C3orf49: variants seen among roughly 807,000 people sequenced by gnomAD.
C3orf49 encodes the protein putative uncharacterized protein C3orf49.
Under a neutral mutation model 13.3 loss-of-function variants are expected in C3orf49, and 27 were observed. The observed-to-expected ratio is 2.02, with a 90% CI of 1.49 to 2.79. The LOEUF (loss-of-function observed/expected upper bound fraction) is 2.79, where lower values mean the gene tolerates loss of function less well. C3orf49 is among the 30% of genes most tolerant of loss of function. C3orf49 has a pLI of 0.00. For synonymous variants in C3orf49, 87 were observed against 47.6 expected, an observed-to-expected ratio of 1.83 and a Z score of -3.40; for missense variants, 242 against 134.2, an observed-to-expected ratio of 1.80 and a Z score of -3.97.
chr3:63,780,831 G>A, the C3orf49 span, among the ~76,000 whole-genome samples: 8 of 152,288 alleles, frequency 5.3e-5, no homozygotes, highest in South Asian at 1.7e-3. Flanking sequence ...CTTGTTGATG[G>A]AGTTGTTTGT....
chr3:63,822,425 T>C (rs1394329357), intron 1 of C3orf49, among the ~76,000 whole-genome samples: 2 of 152,242 alleles, frequency 1.3e-5, no homozygotes, highest in African/African-American at 2.4e-5. Context: ...TAGGTAATAA[T>C]TGTATCACCG....
the C3orf49 span, among the ~76,000 whole-genome samples, chr3:63,810,329 A>C: frequency 6.6e-6 from 1 of 152,104 alleles, no homozygotes; most frequent in South Asian, 2.1e-4. Flanking sequence ...TCCCCCTCCC[A>C]CTTAAAATAC....
chr3:63,834,256 GATGAACAC>G (rs1701581664), intron 5 of C3orf49: 2 of 1,522,380 alleles, frequency 1.3e-6, no homozygotes, highest in Admixed American at 1.7e-5. Context: ...TTTTATATTC[GATGAACAC>G]ATGAAAACAT....
At chr3:63,820,059 GC>G (rs1277178149) in intron 1 of C3orf49, among the ~76,000 whole-genome samples, 1 of 152,152 alleles carries the variant, frequency 6.6e-6, no homozygotes, top group Admixed American at 6.5e-5. Context: ...CGTTAAAACT[GC>G]CTTAGACTTG....
chr3:63,838,373 T>A, intron 5 of C3orf49: 1 of 1,490,768 alleles, frequency 6.7e-7, no homozygotes, highest in Non-Finnish European at 9.3e-7. Flanking sequence ...ATTCTTTACC[T>A]ATTTCCTTGT....
the C3orf49 span, among the ~76,000 whole-genome samples, chr3:63,790,927 G>A: frequency 6.6e-6 from 1 of 152,206 alleles, no homozygotes; most frequent in African/African-American, 2.4e-5. Context: ...CACAGATGCA[G>A]CTTTAGCTTG....
chr3:63,810,182 T>C, the C3orf49 span, among the ~76,000 whole-genome samples: 1 of 151,126 alleles, frequency 6.6e-6, no homozygotes, highest in Non-Finnish European at 1.5e-5. Flanking sequence ...CGCAATTACG[T>C]TTGTGCCAAC....
intron 1 of C3orf49, among the ~76,000 whole-genome samples, chr3:63,820,793 C>T (rs1223383931): frequency 5.9e-5 from 9 of 152,054 alleles, no homozygotes; most frequent in Non-Finnish European, 1.3e-4. Context: ...TGCCATCTGC[C>T]AGAAAATCAT....
At chr3:63,816,024 T>A (rs187848229), upstream of C3orf49, among the ~76,000 whole-genome samples, 100 of 151,946 alleles carry the variant, frequency 6.6e-4, no homozygotes, top group Non-Finnish European at 1.3e-3. Flanking sequence ...GACCTCGTGA[T>A]CTGCCTGCCT....
chr3:63,800,738 G>A, the C3orf49 span, among the ~76,000 whole-genome samples: 1 of 151,956 alleles, frequency 6.6e-6, no homozygotes, highest in Admixed American at 6.6e-5. Flanking sequence ...CCTTAATTTT[G>A]CACTCTTCCC....
the C3orf49 span, among the ~76,000 whole-genome samples, chr3:63,797,763 G>A: frequency 6.6e-6 from 1 of 152,128 alleles, no homozygotes; most frequent in Non-Finnish European, 1.5e-5. Context: ...TCTTTGTTGT[G>A]AAGATGAGAA....
the C3orf49 span, among the ~76,000 whole-genome samples, chr3:63,801,805 C>G: frequency 6.8e-6 from 1 of 147,216 alleles, no homozygotes; most frequent in Admixed American, 6.7e-5. Flanking sequence ...AAGGAGCTCC[C>G]TTAACCAAGA....
the C3orf49 span, among the ~76,000 whole-genome samples, chr3:63,810,266 C>T: frequency 1.3e-5 from 2 of 152,100 alleles, no homozygotes; most frequent in Non-Finnish European, 2.9e-5. Flanking sequence ...GCAGACACTT[C>T]CTATCTCTTA....
At chr3:63,821,522 T>C (rs1701393734) in intron 1 of C3orf49, among the ~76,000 whole-genome samples, 1 of 152,116 alleles carries the variant, frequency 6.6e-6, no homozygotes, top group Non-Finnish European at 1.5e-5. Flanking sequence ...GCTTTATTCA[T>C]AATAGCCCCA....
intron 1 of C3orf49, among the ~76,000 whole-genome samples, chr3:63,820,205 C>T (rs926817641): frequency 6.6e-6 from 1 of 152,096 alleles, no homozygotes; most frequent in South Asian, 2.1e-4. Context: ...GGTCCATGGG[C>T]TATAGTTCAG....
chr3:63,827,799 TTC>T, intron 3 of C3orf49, 74 bp downstream of exon 3: 1 of 669,676 alleles, frequency 1.5e-6, no homozygotes, highest in Non-Finnish European at 2.7e-6. Flanking sequence ...AAAAACCAAG[TTC>T]TGTCCTACCA....
At chr3:63,833,367 G>A (rs972129901) in intron 5 of C3orf49, among the ~76,000 whole-genome samples, 1 of 152,088 alleles carries the variant, frequency 6.6e-6, no homozygotes, top group African/African-American at 2.4e-5. Flanking sequence ...CCAAAGTGCT[G>A]GGATTAAAGG....
the C3orf49 span, among the ~76,000 whole-genome samples, chr3:63,811,778 A>G: frequency 6.6e-6 from 1 of 151,966 alleles, no homozygotes; most frequent in Non-Finnish European, 1.5e-5. Flanking sequence ...TTGTGAAAAA[A>G]TAGAGAATGC....
intron 2 of C3orf49, 72 bp downstream of exon 2, chr3:63,823,641 G>C: frequency 1.6e-6 from 1 of 634,786 alleles, no homozygotes; most frequent in Non-Finnish European, 2.8e-6. Context: ...GGATTATCTT[G>C]CTACACCAGT....
Sources: gnomAD v4.1 joint callset for allele counts (sites outside exome capture counted in the v4.1 genomes callset) on GRCh38, gnomAD v4.1.1 for gene constraint, MANE v1.5 for transcripts, NCBI Gene and HGNC (gene_info 2026-07-23, HGNC 2026-07-21) for gene names.